ZC3H12B: variants seen among roughly 807,000 people sequenced by gnomAD.
The protein encoded by ZC3H12B is probable ribonuclease ZC3H12B.
ZC3H12B carries 7 observed loss-of-function variants against 43.9 expected under a neutral mutation model. The observed-to-expected ratio is 0.16, with a 90% CI of 0.09 to 0.30. The LOEUF is 0.30. Among genes scored for constraint, ZC3H12B ranks in the 10% least tolerant of loss-of-function variants. ZC3H12B has a pLI of 1.00. For missense variants in ZC3H12B, 475 were observed against 670.2 expected, an observed-to-expected ratio of 0.71 and a Z score of 3.22; for synonymous variants, 222 against 241.7, an observed-to-expected ratio of 0.92 and a Z score of 0.76.
chrX:65,213,842 C>T, the ZC3H12B span, among the ~76,000 whole-genome samples: 5 of 106,765 alleles, frequency 4.7e-5, no homozygotes, highest in Non-Finnish European at 9.6e-5. Context: ...TGTATTAAAG[C>T]TAAGGTCACT....
At chrX:65,352,821 A>G in the ZC3H12B span, among the ~76,000 whole-genome samples, 4 of 111,729 alleles carry the variant, frequency 3.6e-5, no homozygotes, top group African/African-American at 1.3e-4. Flanking sequence ...TGTATCTGTT[A>G]TGGTGATCTG....
At chrX:65,321,268 C>T in the ZC3H12B span, among the ~76,000 whole-genome samples, 1 of 111,446 alleles carries the variant, frequency 9.0e-6, no homozygotes, top group South Asian at 3.7e-4. Flanking sequence ...AAGAAAGACA[C>T]ACATTCGGCC....
At chrX:65,222,906 A>T in the ZC3H12B span, among the ~76,000 whole-genome samples, 1 of 110,982 alleles carries the variant, frequency 9.0e-6, no homozygotes, top group African/African-American at 3.3e-5. Context: ...ATATGGAACC[A>T]AAAAAGAGCC....
At chrX:65,482,336 G>GAA (rs959669167) in intron 3 of ZC3H12B, among the ~76,000 whole-genome samples, 1 of 110,055 alleles carries the variant, frequency 9.1e-6, no homozygotes, top group East Asian at 2.8e-4. Context: ...GAGAGAGAGA[G>GAA]AAAAAAAATG....
chrX:65,251,198 G>C, the ZC3H12B span, among the ~76,000 whole-genome samples: 5 of 111,090 alleles, frequency 4.5e-5, no homozygotes, highest in Non-Finnish European at 7.6e-5. Context: ...ATAGGGAATC[G>C]TTTCCCCATT....
At chrX:65,072,343 G>T in the ZC3H12B span, among the ~76,000 whole-genome samples, 3 of 112,090 alleles carry the variant, frequency 2.7e-5, no homozygotes, top group Middle Eastern at 4.6e-3. Flanking sequence ...TTGCCTATCA[G>T]TTTCTGTAAC....
the ZC3H12B span, among the ~76,000 whole-genome samples, chrX:65,086,211 T>C: frequency 5.4e-5 from 6 of 111,537 alleles, no homozygotes; most frequent in Admixed American, 9.5e-5. Flanking sequence ...CATCTATATT[T>C]ATTTTTATCT....
chrX:65,504,859 A>AT (rs1160895004), exon 5 of ZC3H12B: 3 of 112,633 alleles, frequency 2.7e-5, no homozygotes, highest in Non-Finnish European at 5.6e-5. Flanking sequence ...AAACCAGGGG[A>AT]TTTTATTTGT....
At chrX:65,134,629 G>A in the ZC3H12B span, among the ~76,000 whole-genome samples, 2 of 111,506 alleles carry the variant, frequency 1.8e-5, no homozygotes, top group Admixed American at 1.9e-4. Flanking sequence ...CAAGGTCGTA[G>A]GGGGATCTCC....
the ZC3H12B span, among the ~76,000 whole-genome samples, chrX:65,184,167 A>G: frequency 3.6e-5 from 4 of 111,059 alleles, no homozygotes; most frequent in East Asian, 1.1e-3. Context: ...GGCATTTTAG[A>G]ATTTAACTTG....
chrX:65,331,529 G>T, the ZC3H12B span, among the ~76,000 whole-genome samples: 6 of 108,299 alleles, frequency 5.5e-5, no homozygotes, highest in Admixed American at 2.0e-4. Flanking sequence ...CAAAGCCTGT[G>T]AGACAGGAAA....
the ZC3H12B span, among the ~76,000 whole-genome samples, chrX:65,203,969 T>C: frequency 1.8e-5 from 2 of 112,074 alleles, no homozygotes; most frequent in Middle Eastern, 4.6e-3. Context: ...CCTCCGTGTG[T>C]TCTAGCTTTG....
chrX:65,192,140 G>A, the ZC3H12B span, among the ~76,000 whole-genome samples: 1 of 109,305 alleles, frequency 9.1e-6, no homozygotes, highest in East Asian at 2.9e-4. Flanking sequence ...CTGAGTTCTA[G>A]TTTGATTACA....
chrX:65,447,581 G>T (rs2067395440), intron 3 of ZC3H12B, among the ~76,000 whole-genome samples: 1 of 111,552 alleles, frequency 9.0e-6, no homozygotes, highest in Non-Finnish European at 1.9e-5. Context: ...TAACAAAAAT[G>T]AATAAATGAA....
chrX:65,077,287 C>T, the ZC3H12B span, among the ~76,000 whole-genome samples: 2 of 111,901 alleles, frequency 1.8e-5, no homozygotes, highest in Non-Finnish European at 3.8e-5. Flanking sequence ...GCTACTGGCA[C>T]TGAGTCTTGT....
chrX:65,160,099 C>T, the ZC3H12B span, among the ~76,000 whole-genome samples: 8 of 111,715 alleles, frequency 7.2e-5, no homozygotes, highest in African/African-American at 1.3e-4. Flanking sequence ...AGCCTTGCAT[C>T]CCAGGGATGA....
chrX:65,246,391 A>G, the ZC3H12B span, among the ~76,000 whole-genome samples: 1 of 112,418 alleles, frequency 8.9e-6, no homozygotes, highest in East Asian at 2.8e-4. Flanking sequence ...GACATTCTTC[A>G]CAGCACTAGA....
chrX:65,041,844 A>G, the ZC3H12B span, among the ~76,000 whole-genome samples: 1 of 111,915 alleles, frequency 8.9e-6, no homozygotes, highest in African/African-American at 3.3e-5. Flanking sequence ...TTACGATGCA[A>G]GAAGCACTAA....
chrX:65,480,179 T>A (rs1276081953), intron 3 of ZC3H12B, among the ~76,000 whole-genome samples: 1 of 112,554 alleles, frequency 8.9e-6, no homozygotes, highest in East Asian at 2.8e-4. Flanking sequence ...ACTGACATCA[T>A]CATTAGTATA....
Sources: allele counts gnomAD v4.1 joint callset (sites outside exome capture counted in the v4.1 genomes callset), GRCh38; gene constraint gnomAD v4.1.1; transcripts MANE v1.5; gene names NCBI Gene and HGNC (gene_info 2026-07-23, HGNC 2026-07-21).